HS3ST6: variants seen among roughly 807,000 people sequenced by gnomAD.
The protein encoded by HS3ST6 is heparan sulfate glucosamine 3-O-sulfotransferase 6.
A neutral mutation model predicts 11.0 loss-of-function variants in HS3ST6; 13 were observed. The observed-to-expected ratio is 1.18, with a 90% CI of 0.77 to 1.88. The LOEUF is 1.88. Ranked by LOEUF, HS3ST6 falls within the 40% of genes most tolerant of loss-of-function variation. The pLI, the probability that HS3ST6 is intolerant of heterozygous loss-of-function variation, is 0.00. For missense variants in HS3ST6, 541 were observed against 494.4 expected (o/e 1.09, Z -0.89); for synonymous variants, 232 against 230.6 (o/e 1.01, Z -0.06).
rs201954014 is a variant in HS3ST6 at position 1,912,006 on chromosome 16, G to A, written c.613C>T (p.Arg205Cys). 2.7e-5 allele frequency: 42 copies of A among 1,531,838 alleles called. No homozygotes were observed. The highest frequency in any genetic ancestry group is 1.8e-4 in the Middle Eastern group (1 of 5,680). The allele number at this position is 1,531,838 out of a possible 1,614,324, so 94.9% of individuals were successfully genotyped here. The stretch of plus-strand genomic sequence containing the variant: ...AGGCCGTGGCGGAAGGCCAGGGCGC[G>A]GAAGCTGGGCAGGCCCGGGGTCTTG... ...LSKTPGLPSF[R>C]ALAFRHGLGP... The change falls in exon 2 of 2, where the codon CGC (arginine) becomes TGC (cysteine). Residue 205 changes from arginine (R) to cysteine (C), a missense_variant. Coordinates refer to ENST00000454677, the MANE Select transcript of HS3ST6 (RefSeq NM_001009606.4). The surrounding 1 kb of genome is among the most constrained non-coding windows in gnomAD (Gnocchi z 5.6).
chr16:1,911,663 C>G lies in HS3ST6; in HGVS notation c.956G>C (p.Arg319Pro). ...HPRVPQALVR[R>P]LQEFYRPFNR... The stretch of plus-strand genomic sequence containing the variant: ...GAAGGGCCGGTAGAACTCCTGCAGG[C>G]GCCGGACCAGGGCCTGGGGCACGCG... Residue 319 changes from arginine (R) to proline (P), a missense_variant, in exon 2 of 2, where the codon CGC (arginine) becomes CCC (proline). Transcript: ENST00000454677. 6.2e-7 allele frequency: 1 copy of G among 1,610,626 alleles called. No homozygotes were observed. The highest frequency in any genetic ancestry group is 8.5e-7 in the Non-Finnish European group (1 of 1,178,550).
In HS3ST6 at chr16:1,912,282, C is replaced by A; in HGVS notation, c.414-77G>T. The A allele has an allele frequency of 1.6e-6, 2 of 1,228,882 alleles. No homozygotes were observed. The highest frequency in any genetic ancestry group is 1.0e-6 in the Non-Finnish European group (1 of 968,870). The allele number at this position is 1,228,882 out of a possible 1,614,324, so 76.1% of individuals were successfully genotyped here. ...GGCCCCCAGGGGCCCGGGACCAAGG[C>A]CCCCTTATGCCCGGGAAGCCCAGGC... On this transcript the variant is annotated intron_variant, in intron 1 of 1. Coordinates refer to ENST00000454677, the MANE Select transcript of HS3ST6 (RefSeq NM_001009606.4). This position sits in a 1 kb window ranked among gnomAD's most constrained non-coding sequence, Gnocchi z 5.6.
upstream of HS3ST6, among the ~76,000 whole-genome samples, chr16:1,918,639 G>T (rs1445770049): frequency 6.6e-6 from 1 of 152,112 alleles, no homozygotes; most frequent in East Asian, 1.9e-4. This position sits in a 1 kb window ranked among gnomAD's most constrained non-coding sequence, Gnocchi z 6.0. Flanking sequence ...GCTTGACTCC[G>T]GCATCTTCAC....
At chr16:1,913,664 C>A (rs1218052509) in intron 1 of HS3ST6, among the ~76,000 whole-genome samples, 1 of 152,220 alleles carries the variant, frequency 6.6e-6, no homozygotes, top group African/African-American at 2.4e-5. Flanking sequence ...GCTTCCCCCA[C>A]CCCTGCTGAC....
upstream of HS3ST6, among the ~76,000 whole-genome samples, chr16:1,920,705 GCAGGGAC>G (rs1440314924): frequency 1.3e-5 from 2 of 152,150 alleles, no homozygotes; most frequent in Non-Finnish European, 2.9e-5. Flanking sequence ...AGAGAGAGAT[GCAGGGAC>G]CAGGAGTCGG....
At chr16:1,920,825 C>T (rs545695443), upstream of HS3ST6, among the ~76,000 whole-genome samples, 19 of 152,204 alleles carry the variant, frequency 1.2e-4, no homozygotes, top group Non-Finnish European at 2.2e-4. Flanking sequence ...TGGGGCTGTT[C>T]ATTCACCAGT....
chr16:1,920,776 C>T (rs919377243), upstream of HS3ST6, among the ~76,000 whole-genome samples: 3 of 152,168 alleles, frequency 2.0e-5, no homozygotes, highest in Non-Finnish European at 4.4e-5. Flanking sequence ...ACTCGGCTGA[C>T]GGTGGCTACA....
Position 1,912,038 on chromosome 16 carries a change from G to A in HS3ST6, c.581C>T (p.Thr194Met), listed in dbSNP as rs561297247. 14 of 1,521,502 alleles carry A rather than the reference G, an allele frequency of 9.2e-6. No homozygotes were observed. Among genetic ancestry groups the A allele is most frequent in the South Asian group, 4.0e-5 (3 of 75,846 alleles). The allele number at this position is 1,521,502 out of a possible 1,614,324, so 94.3% of individuals were successfully genotyped here. A position where few individuals can be genotyped will look rare whatever the true frequency, so the allele number is the denominator to read the frequency against. ...VTRAISDYAQ[T>M]LSKTPGLPSF... ...GGGCAGGCCCGGGGTCTTGGAGAGC[G>A]TCTGGGCGTAGTCGGAGATGGCCCG... Residue 194 changes from threonine to methionine, a missense_variant, in exon 2 of 2, where the codon ACG (threonine) becomes ATG (methionine). Thr to Met is a moderately conservative substitution (Grantham distance 81). Coordinates refer to ENST00000454677, the MANE Select transcript of HS3ST6 (RefSeq NM_001009606.4). This position sits in a 1 kb window ranked among gnomAD's most constrained non-coding sequence, Gnocchi z 5.6.
chr16:1,918,002 CCAG>C lies in HS3ST6; in HGVS notation c.319_321del (p.Leu107del), dbSNP rs1236976615. 1 of 1,549,198 alleles carries C rather than the reference CCAG, an allele frequency of 6.5e-7. No homozygotes were observed. Among genetic ancestry groups the C allele is most frequent in the Non-Finnish European group, 8.6e-7 (1 of 1,156,812 alleles). On this transcript the variant is annotated inframe_deletion, in exon 1 of 2. Transcript: ENST00000454677. The surrounding 1 kb of genome is among the most constrained non-coding windows in gnomAD (Gnocchi z 6.0). ...ACGTCGGGGTGCAGCCGCAGAAACT[CCAG>C]CAGGGCGCGCGTGCCGCCCTTCTTC...
chr16:1,919,520 C>T (rs934574727), upstream of HS3ST6, among the ~76,000 whole-genome samples: 2 of 152,254 alleles, frequency 1.3e-5, no homozygotes, highest in African/African-American at 2.4e-5. Flanking sequence ...TTCCTGGCCA[C>T]AGGGCTGGCG....
chr16:1,920,207 CAGG>C (rs1423640098), upstream of HS3ST6, among the ~76,000 whole-genome samples: 2 of 125,768 alleles, frequency 1.6e-5, no homozygotes, highest in Admixed American at 8.0e-5. Context: ...CCCACGGTCT[CAGG>C]AGCCCCCACG....
intron 1 of HS3ST6, among the ~76,000 whole-genome samples, chr16:1,914,670 T>G (rs1403898006): frequency 3.3e-5 from 5 of 151,990 alleles, no homozygotes; most frequent in African/African-American, 1.2e-4. Flanking sequence ...AGGCCTTCTC[T>G]CCAAAGAGTC....
In HS3ST6 at chr16:1,918,092, C is replaced by G. The variant is rs1237401557; in HGVS notation, c.232G>C (p.Gly78Arg). ...CCGGGACCGCTGGCCAAAGGCAGGC[C>G]GGGTGCTCCCGGGCGGTGGACGGAG... is the stretch of plus-strand genomic sequence containing the variant. ...SSSVHRPGAP[G>R]LPLASGPGRR... Residue 78 changes from glycine (G) to arginine (R), a missense_variant, in exon 1 of 2, where the codon GGC becomes CGC. Coordinates refer to ENST00000454677, the MANE Select transcript of HS3ST6 (RefSeq NM_001009606.4). This position sits in a 1 kb window ranked among gnomAD's most constrained non-coding sequence, Gnocchi z 6.0. 2.0e-6 allele frequency: 3 copies of G among 1,487,102 alleles called. No individual in the cohort carries two copies. Among genetic ancestry groups the G allele is most frequent in the Non-Finnish European group, 2.7e-6 (3 of 1,124,408 alleles). 92.1% of individuals were successfully genotyped at this position (1,487,102 alleles called of 1,614,324 possible). A position where few individuals can be genotyped will look rare whatever the true frequency, so the allele number is the denominator to read the frequency against.
intron 1 of HS3ST6, among the ~76,000 whole-genome samples, chr16:1,916,175 G>GTA (rs2082925212): frequency 2.0e-5 from 3 of 152,244 alleles, no homozygotes; most frequent in African/African-American, 4.8e-5. Flanking sequence ...CCCTCGGAGA[G>GTA]CATGAGGACA....
In HS3ST6 at chr16:1,917,965, C is replaced by A; in HGVS notation, c.359G>T (p.Gly120Val). 6.6e-7 allele frequency: 1 copy of A among 1,524,002 alleles called. No individual in the cohort carries two copies. Among genetic ancestry groups the A allele is most frequent in the Non-Finnish European group, 8.8e-7 (1 of 1,142,126 alleles). 94.4% of individuals were successfully genotyped at this position (1,524,002 alleles called of 1,614,324 possible). A position where few individuals can be genotyped will look rare whatever the true frequency, so the allele number is the denominator to read the frequency against. Reference protein sequence around the residue: ...LRLHPDVRALGSEPHFFDRCY... With the variant: ...LRLHPDVRALVSEPHFFDRCY... ...CCTGTCGAAGAAGTGGGGCTCAGAG[C>A]CCAGCGCGCGGACGTCGGGGTGCAG... Residue 120 changes from glycine (G) to valine (V), a missense_variant, in exon 1 of 2, where the codon GGC (glycine) becomes GTC (valine). Physicochemically the swap from Gly to Val is moderately radical, Grantham distance 109 (BLOSUM62 -3). Transcript: ENST00000454677.
chr16:1,919,649 G>T (rs1358973931), upstream of HS3ST6, among the ~76,000 whole-genome samples: 1 of 152,192 alleles, frequency 6.6e-6, no homozygotes, highest in Non-Finnish European at 1.5e-5. Flanking sequence ...ATGGCATCTG[G>T]ACAAGTCCCA....
chr16:1,917,982 G>A lies in HS3ST6; in HGVS notation c.342C>T (p.Pro114=). The A allele has an allele frequency of 6.4e-7, 1 of 1,553,382 alleles. No homozygotes were observed. The highest frequency in any genetic ancestry group is 8.6e-7 in the Non-Finnish European group (1 of 1,158,916). The change falls in exon 1 of 2, where the codon CCC becomes CCT. Residue 114 remains proline (P), a synonymous_variant. Transcript: ENST00000454677. The part of the protein sequence containing the change: ...RALLEFLRLH[P]DVRALGSEPH... ...GCTCAGAGCCCAGCGCGCGGACGTC[G>A]GGGTGCAGCCGCAGAAACTCCAGCA...
At chr16:1,915,221 G>A (rs2082917951) in intron 1 of HS3ST6, among the ~76,000 whole-genome samples, 1 of 152,164 alleles carries the variant, frequency 6.6e-6, no homozygotes, top group African/African-American at 2.4e-5. Context: ...AGGAACTAAG[G>A]GGTTCCCCTA....
Position 1,911,684 on chromosome 16 carries a change from A to C in HS3ST6, c.935T>G (p.Val312Gly). ...CAGGCGCCGGACCAGGGCCTGGGGC[A>C]CGCGTGGGTGTGGCCGGCCCTTGGA... Reference protein sequence around the residue: ...GKSKGRPHPRVPQALVRRLQE... With the variant: ...GKSKGRPHPRGPQALVRRLQE... The change falls in exon 2 of 2, where the codon GTG becomes GGG. Residue 312 changes from valine (V) to glycine (G), a missense_variant. Coordinates refer to ENST00000454677, the MANE Select transcript of HS3ST6 (RefSeq NM_001009606.4). 1.2e-6 allele frequency: 2 copies of C among 1,611,870 alleles called. No homozygotes were observed. Among genetic ancestry groups the C allele is most frequent in the Non-Finnish European group, 1.7e-6 (2 of 1,179,010 alleles).
Sources: gnomAD v4.1 joint callset for allele counts (sites outside exome capture counted in the v4.1 genomes callset) on GRCh38, gnomAD v4.1.1 for gene constraint, Gnocchi (gnomAD v3.1) non-coding constraint, MANE v1.5 for transcripts, NCBI Gene and HGNC (gene_info 2026-07-23, HGNC 2026-07-21) for gene names.